The following TDRD9 variants were observed in gnomAD, a reference collection of about 807,000 sequenced individuals.
The protein encoded by TDRD9 is tudor domain containing 9, also known as ATP-dependent RNA helicase TDRD9.
In TDRD9, 124 loss-of-function variants were observed where a neutral mutation model predicts 172.6. That is an observed-to-expected ratio of 0.72 (90% CI 0.62 to 0.83). TDRD9 has a LOEUF of 0.83. TDRD9 is among the 40% of genes least tolerant of loss of function. TDRD9 has a pLI of 0.00. For missense variants in TDRD9, 1,479 were observed against 1,714.1 expected (o/e 0.86, Z 2.42); for synonymous variants, 619 against 617.1 (o/e 1.00, Z -0.05).
chr14:103,998,824 G>C, intron 13 of TDRD9, 96 bp downstream of exon 13: 1 of 659,224 alleles, frequency 1.5e-6, no homozygotes, highest in East Asian at 2.7e-5. Flanking sequence ...ACGGAGTCTT[G>C]CTCTGTCGCC....
intron 1 of TDRD9, among the ~76,000 whole-genome samples, chr14:103,944,947 A>G (rs1371882150): frequency 1.3e-5 from 2 of 152,132 alleles, no homozygotes; most frequent in African/African-American, 2.4e-5. Context: ...CACTTAACAG[A>G]TATCTATTGA....
At chr14:103,947,168 G>A (rs1312997132) in intron 1 of TDRD9, among the ~76,000 whole-genome samples, 1 of 152,004 alleles carries the variant, frequency 6.6e-6, no homozygotes, top group East Asian at 1.9e-4. Context: ...AAAACAGTAT[G>A]GTATTGGCAT....
At chr14:104,016,163 T>C (rs866628603) in intron 22 of TDRD9, 75 bp downstream of exon 22, 1 of 1,027,168 alleles carries the variant, frequency 9.7e-7, no homozygotes, top group Middle Eastern at 2.2e-4. Context: ...TTGTTTCTAT[T>C]CTTGTGAGTC....
Position 104,004,255 on chromosome 14 carries a change from T to C in TDRD9, c.1501T>C (p.Ser501Pro). Reference sequence around the variant, plus strand: ...CTTTGAAGGCCGTGCTGGACGAGTGTCTAGAGGGTACTGTTACCGGCTGGT... The same window carrying C: ...CTTTGAAGGCCGTGCTGGACGAGTGCCTAGAGGGTACTGTTACCGGCTGGT... ...NQRKGRAGRV[S>P]RGYCYRLVHK... The change falls in exon 14 of 36, where the codon TCT (serine) becomes CCT (proline). Residue 501 changes from serine (S) to proline (P), a missense_variant. Ser to Pro is a moderately conservative substitution (Grantham distance 74). Around this residue, in one of 3 missense-constraint regions of TDRD9, gnomAD observed 1,413 missense variants for 1,649.1 expected, o/e 0.86. Transcript: ENST00000409874. 1 of 1,597,538 alleles carries C rather than the reference T, an allele frequency of 6.3e-7. No individual in the cohort carries two copies. Among genetic ancestry groups the C allele is most frequent in the Non-Finnish European group, 8.6e-7 (1 of 1,167,980 alleles).
At position 104,026,790 on chromosome 14, in the gene TDRD9, A is replaced by G. The variant is rs1032191747; in HGVS notation, c.3133A>G (p.Thr1045Ala). 1 of 1,613,488 alleles carries G rather than the reference A, an allele frequency of 6.2e-7. No homozygotes were observed. Among genetic ancestry groups the G allele is most frequent in the Non-Finnish European group, 8.5e-7 (1 of 1,179,708 alleles). Residue 1045 changes from threonine to alanine, a missense_variant, in exon 28 of 36, where the codon ACC becomes GCC. This residue lies in a region of TDRD9 where 1,413 missense variants were observed against 1,649.1 expected (regional missense o/e 0.86). Transcript: ENST00000409874. Reference protein sequence around the residue: ...QWFASLVSGCTLLVKVFSVVH... With the variant: ...QWFASLVSGCALLVKVFSVVH... Reference sequence around the variant, plus strand: ...GTTCGCCTCTCTGGTGAGCGGCTGCACCCTCCTTGTGAAGGTCTTCTCTGT... The same window carrying G: ...GTTCGCCTCTCTGGTGAGCGGCTGCGCCCTCCTTGTGAAGGTCTTCTCTGT...
intron 34 of TDRD9, among the ~76,000 whole-genome samples, chr14:104,047,243 T>C (rs564945480): frequency 6.6e-6 from 1 of 152,362 alleles, no homozygotes; most frequent in Non-Finnish European, 1.5e-5. Flanking sequence ...CTTTTAATGC[T>C]ATTGTGAATA....
rs1485061390 is a variant in TDRD9, at chr14:103,965,523, C to T, written c.611C>T (p.Ala204Val). The T allele has an allele frequency of 2.6e-6, 4 of 1,551,192 alleles. No individual in the cohort carries two copies. The highest frequency in any genetic ancestry group is 3.5e-6 in the Non-Finnish European group (4 of 1,146,986). ...SIARWISKER[A>V]WTLGGVVGYQ... is the part of the protein sequence containing the mutation. ...GCCAGGTGGATCAGTAAAGAGCGTG[C>T]CTGGACCCTGGGAGGTGTGGTGGGC... Residue 204 changes from alanine to valine, a missense_variant, in exon 4 of 36, where the codon GCC becomes GTC. Physicochemically the swap from Ala to Val is moderately conservative, Grantham distance 64 (BLOSUM62 0). This residue lies in a region of TDRD9 where 1,413 missense variants were observed against 1,649.1 expected (regional missense o/e 0.86). Coordinates refer to ENST00000409874, the MANE Select transcript of TDRD9 (RefSeq NM_153046.3).
chr14:103,957,038 G>A (rs1435724528), intron 2 of TDRD9, among the ~76,000 whole-genome samples: 1 of 152,196 alleles, frequency 6.6e-6, no homozygotes, highest in Non-Finnish European at 1.5e-5. Flanking sequence ...TAAAAAGTAT[G>A]AAATACAGTC....
chr14:104,016,485 C>T (rs4906403), intron 22 of TDRD9, among the ~76,000 whole-genome samples: 3,308 of 152,278 alleles, frequency 0.022, 141 homozygotes, highest in Admixed American at 0.12. Flanking sequence ...AGTGACCCCC[C>T]GACCTGGATG....
At chr14:104,014,142 T>C (rs1005369776) in intron 20 of TDRD9, among the ~76,000 whole-genome samples, 1 of 146,200 alleles carries the variant, frequency 6.8e-6, no homozygotes, top group African/African-American at 2.6e-5. Flanking sequence ...AGCAGGAGAA[T>C]GGCGTGAACC....
chr14:103,960,534 G>A (rs2032458498), intron 2 of TDRD9, among the ~76,000 whole-genome samples: 1 of 152,064 alleles, frequency 6.6e-6, no homozygotes, highest in South Asian at 2.1e-4. Flanking sequence ...TTGTTGATTT[G>A]CCTTAAATTA....
In TDRD9 at chr14:103,935,009, GT is replaced by G. The variant is rs573474780; in HGVS notation, c.215+6287del. Among the ~76,000 whole-genome samples, 46 of 152,318 alleles carry G rather than the reference GT, an allele frequency of 3.0e-4. 1 individual carries two copies. The South Asian group carries it at 5.0e-3, about 16-fold the overall frequency. On this transcript the variant is annotated intron_variant, in intron 1 of 35. Coordinates refer to ENST00000409874, the MANE Select transcript of TDRD9 (RefSeq NM_153046.3). ...GAGGTAGGAGGGCCTCGTCCAGTCAGTTGAAGACCTGAATGCAGCGAAGACT... is the reference window on the plus strand; with the variant it reads ...GAGGTAGGAGGGCCTCGTCCAGTCAGTGAAGACCTGAATGCAGCGAAGACT...
intron 1 of TDRD9, among the ~76,000 whole-genome samples, chr14:103,939,388 C>G (rs527360911): frequency 6.6e-6 from 1 of 152,306 alleles, no homozygotes; most frequent in East Asian, 1.9e-4. Context: ...ATTCACTGCA[C>G]AATAAGCAGT....
At chr14:103,956,779 G>C (rs898951019) in intron 2 of TDRD9, among the ~76,000 whole-genome samples, 1 of 152,100 alleles carries the variant, frequency 6.6e-6, no homozygotes, top group African/African-American at 2.4e-5. Context: ...CAACTGTTCA[G>C]AGTTCACCGT....
At position 103,952,190 on chromosome 14, in the gene TDRD9, GTATATATATATATATA is replaced by G. The variant is rs1566734586; in HGVS notation, c.216-3458_216-3443del. The stretch of plus-strand genomic sequence containing the variant: ...TGTATATATGTGTGTGCGTGTGTGT[GTATATATATATATATA>G]TATATATATATATATTTTTTTTTTT... On this transcript the variant is annotated intron_variant, in intron 1 of 35. Coordinates refer to ENST00000409874, the MANE Select transcript of TDRD9 (RefSeq NM_153046.3). 9.9e-4 allele frequency among the ~76,000 whole-genome samples: 55 copies of G among 55,532 alleles called. 2 individuals are homozygous for G. Among genetic ancestry groups the G allele is most frequent in the African/African-American group, 1.6e-3 (23 of 14,516 alleles). 36.4% of individuals were successfully genotyped at this position (55,532 alleles called of 152,430 possible).
chr14:103,998,798 T>G, intron 13 of TDRD9, 70 bp downstream of exon 13: 1 of 816,264 alleles, frequency 1.2e-6, no homozygotes, highest in East Asian at 2.5e-5. Context: ...GTGCTTTTTT[T>G]TTTTTTTTCT....
chr14:104,052,294 T>G lies in TDRD9; in HGVS notation c.*212T>G. On this transcript the variant is annotated 3_prime_UTR_variant, in exon 36 of 36. Coordinates refer to ENST00000409874, the MANE Select transcript of TDRD9 (RefSeq NM_153046.3). Reference sequence around the variant, plus strand: ...GGGAAGGATTGGAAACTCTAGTCTTTTCTAGAAACAGAAAATCACTGTATT... The same window carrying G: ...GGGAAGGATTGGAAACTCTAGTCTTGTCTAGAAACAGAAAATCACTGTATT... 1 of 366,442 alleles carries G rather than the reference T, an allele frequency of 2.7e-6. No individual in the cohort carries two copies. Among genetic ancestry groups the G allele is most frequent in the South Asian group, 5.5e-5 (1 of 18,282 alleles). 22.7% of individuals were successfully genotyped at this position (366,442 alleles called of 1,614,324 possible). A position where few individuals can be genotyped will look rare whatever the true frequency, so the allele number is the denominator to read the frequency against.
At chr14:104,024,364 G>A (rs975287248) in intron 24 of TDRD9, among the ~76,000 whole-genome samples, 4 of 152,106 alleles carry the variant, frequency 2.6e-5, no homozygotes, top group South Asian at 2.1e-4. Context: ...TTTGGGATGT[G>A]TACCCCTTCC....
chr14:103,937,928 G>C (rs1416364760), intron 1 of TDRD9, among the ~76,000 whole-genome samples: 1 of 151,626 alleles, frequency 6.6e-6, no homozygotes, highest in Non-Finnish European at 1.5e-5. Context: ...AGTTGCCTGT[G>C]AGCATCCAAG....
Sources: allele counts gnomAD v4.1 joint callset (sites outside exome capture counted in the v4.1 genomes callset), GRCh38; gene constraint gnomAD v4.1.1; regional missense constraint gnomAD v4.1.1; transcripts MANE v1.5; gene names NCBI Gene and HGNC (gene_info 2026-07-23, HGNC 2026-07-21).